Variants in XKR6 observed in about 807,000 individuals in gnomAD.
The protein encoded by XKR6 is XK related 6.
In XKR6, 22 loss-of-function variants were observed where a neutral mutation model predicts 56.7. That is an observed-to-expected ratio of 0.39 (90% confidence interval 0.28 to 0.55). The LOEUF (loss-of-function observed/expected upper bound fraction) is 0.55, where lower values mean the gene tolerates loss of function less well. XKR6 is among the 20% of genes least tolerant of loss of function. XKR6 has a pLI of 0.66. For missense variants in XKR6, 852 were observed against 889.0 expected (o/e 0.96, Z 0.53); for synonymous variants, 524 against 387.8 (o/e 1.35, Z -4.13).
intron 1 of XKR6, among the ~76,000 whole-genome samples, chr8:10,926,678 T>C (rs1800895637): frequency 6.6e-6 from 1 of 152,222 alleles, no homozygotes. Flanking sequence ...TCAGGTCTGG[T>C]TATCACCATT....
chr8:10,966,808 G>C (rs561828416), intron 1 of XKR6, among the ~76,000 whole-genome samples: 11 of 152,314 alleles, frequency 7.2e-5, no homozygotes, highest in Admixed American at 5.9e-4. Context: ...GGGGATCCTG[G>C]GGCGCACTGA....
Position 11,186,889 on chromosome 8 carries a change from C to T in XKR6, c.764+13687G>A, listed in dbSNP as rs535098304. Among the ~76,000 whole-genome samples the T allele has an allele frequency of 6.6e-5, 10 of 152,262 alleles. No homozygotes were observed. In the South Asian group the frequency reaches 1.2e-3, roughly 19 times the overall value. The stretch of plus-strand genomic sequence containing the variant: ...ACAGGCTGTAATAATCACTAACATA[C>T]GCATTGTGGATTTACTGCCTCTCAT... On this transcript the variant is annotated intron_variant, in intron 1 of 2. Transcript: ENST00000416569.
intron 1 of XKR6, among the ~76,000 whole-genome samples, chr8:11,182,980 T>C (rs746838778): frequency 5.3e-5 from 8 of 152,242 alleles, no homozygotes; most frequent in Non-Finnish European, 1.0e-4. Flanking sequence ...TGTCCTTTTA[T>C]GGTGGCCTTA....
At chr8:11,127,075 T>C (rs986674559) in intron 1 of XKR6, among the ~76,000 whole-genome samples, 1 of 152,202 alleles carries the variant, frequency 6.6e-6, no homozygotes, top group Non-Finnish European at 1.5e-5. Context: ...TCTAGGACAG[T>C]AGAGTACTAA....
intron 1 of XKR6, among the ~76,000 whole-genome samples, chr8:11,144,223 AGT>A (rs35351104): frequency 0.014 from 1,936 of 136,246 alleles, 18 homozygotes; most frequent in Non-Finnish European, 0.019. Flanking sequence ...TTAAATAAAA[AGT>A]GTGTGTGTGT....
chr8:11,058,190 T>C (rs186458259), intron 1 of XKR6, among the ~76,000 whole-genome samples: 21 of 152,238 alleles, frequency 1.4e-4, no homozygotes, highest in Admixed American at 1.1e-3. Context: ...AATTTTTAAG[T>C]AGGGAGGGAG....
chr8:11,135,510 G>A (rs1449602500), intron 1 of XKR6, among the ~76,000 whole-genome samples: 1 of 152,120 alleles, frequency 6.6e-6, no homozygotes, highest in Non-Finnish European at 1.5e-5. Flanking sequence ...AAAGAAAGAT[G>A]ACTTTTACTA....
chr8:11,061,448 C>A (rs543088373), intron 1 of XKR6, among the ~76,000 whole-genome samples: 2 of 138,752 alleles, frequency 1.4e-5, no homozygotes, highest in South Asian at 4.8e-4. Context: ...GTCAGGGTGA[C>A]AGAGTGAGAC....
intron 1 of XKR6, among the ~76,000 whole-genome samples, chr8:11,133,060 G>C (rs560239587): frequency 4.6e-5 from 7 of 152,260 alleles, no homozygotes; most frequent in African/African-American, 1.7e-4. Flanking sequence ...TGAGGAGACA[G>C]TGAGTTTCAA....
At chr8:11,034,658 C>T (rs1186161626) in intron 1 of XKR6, among the ~76,000 whole-genome samples, 1 of 152,192 alleles carries the variant, frequency 6.6e-6, no homozygotes, top group Non-Finnish European at 1.5e-5. Context: ...TAAGCTCAGT[C>T]CCCTAAAGAT....
intron 1 of XKR6, among the ~76,000 whole-genome samples, chr8:10,984,732 C>CTCTCTCTCTCTCTATATATATATATATA: frequency 8.0e-4 from 38 of 47,454 alleles, no homozygotes; most frequent in Non-Finnish European, 1.1e-3. Context: ...CTCTCTCTCT[C>CTCTCTCTCTCTCTATATATATATATATA]TATATATATA....
intron 1 of XKR6, among the ~76,000 whole-genome samples, chr8:11,125,295 C>A (rs1454674635): frequency 6.6e-6 from 1 of 151,986 alleles, no homozygotes; most frequent in Admixed American, 6.5e-5. Flanking sequence ...AAATGCAGAC[C>A]ATCTCCTTAC....
intron 1 of XKR6, among the ~76,000 whole-genome samples, chr8:11,053,063 G>A (rs575817039): frequency 9.2e-5 from 14 of 152,286 alleles, no homozygotes; most frequent in African/African-American, 1.9e-4. Context: ...CCCCCCACGC[G>A]CCACCCTGTG....
rs149056243 is a variant in XKR6 at position 10,945,765 on chromosome 8, G to C, written c.765-20935C>G. ...TCTCTATTCCAAGCCCCCAGGGCAA[G>C]GGTACGCATAGCCCTTCCCTTCTCC... is the stretch of plus-strand genomic sequence containing the variant. On this transcript the variant is annotated intron_variant, in intron 1 of 2. Coordinates refer to ENST00000416569, the MANE Select transcript of XKR6 (RefSeq NM_173683.4). Among the ~76,000 whole-genome samples, 3 of 152,278 alleles carry C rather than the reference G, an allele frequency of 2.0e-5. No individual in the cohort carries two copies. In the East Asian group the frequency reaches 5.8e-4, roughly 29 times the overall value.
intron 1 of XKR6, among the ~76,000 whole-genome samples, chr8:11,039,939 C>G (rs928186898): frequency 1.3e-5 from 2 of 152,206 alleles, no homozygotes; most frequent in Non-Finnish European, 2.9e-5. Flanking sequence ...AAGCATAACT[C>G]GTTAACTGCT....
intron 1 of XKR6, among the ~76,000 whole-genome samples, chr8:10,975,976 C>T (rs1459665844): frequency 1.3e-5 from 2 of 152,076 alleles, no homozygotes; most frequent in South Asian, 2.1e-4. Flanking sequence ...AGATCGAGAC[C>T]ATACTGGCTA....
At chr8:11,105,710 G>T (rs1798650615) in intron 1 of XKR6, 1 of 151,896 alleles carries the variant, frequency 6.6e-6, no homozygotes, top group Non-Finnish European at 1.5e-5. Flanking sequence ...CTTTTATTTG[G>T]ACAAAGTTGG....
At chr8:10,986,553 T>C (rs1797868213) in intron 1 of XKR6, among the ~76,000 whole-genome samples, 1 of 152,150 alleles carries the variant, frequency 6.6e-6, no homozygotes, top group Non-Finnish European at 1.5e-5. Context: ...TGATCAGCAA[T>C]AGTAGATTTT....
At chr8:11,180,692 C>T (rs1184657692) in intron 1 of XKR6, among the ~76,000 whole-genome samples, 1 of 152,016 alleles carries the variant, frequency 6.6e-6, no homozygotes, top group Non-Finnish European at 1.5e-5. Flanking sequence ...AATGCTTGGG[C>T]CCAGGAGTTC....
Sources: gnomAD v4.1 joint callset for allele counts (sites outside exome capture counted in the v4.1 genomes callset) on GRCh38, gnomAD v4.1.1 for gene constraint, MANE v1.5 for transcripts, NCBI Gene and HGNC (gene_info 2026-07-23, HGNC 2026-07-21) for gene names.